The following TCF12 variants were observed in gnomAD, a reference collection of about 807,000 sequenced individuals.
TCF12 encodes transcription factor 12, also known as DNA-binding protein HTF4.
TCF12 carries 45 observed loss-of-function variants against 86.0 expected under a neutral mutation model. The observed-to-expected ratio is 0.52, with a 90% CI of 0.41 to 0.67. TCF12 has a LOEUF of 0.67. TCF12 is among the 30% of genes least tolerant of loss of function. The pLI, the probability that TCF12 is intolerant of heterozygous loss-of-function variation, is 0.00. For synonymous variants in TCF12, 330 were observed against 299.6 expected (o/e 1.10, Z -1.05); for missense variants, 881 against 859.9 (o/e 1.02, Z -0.31).
chr15:57,001,428 A>G lies in TCF12; in HGVS notation c.149-62322A>G, dbSNP rs538718000. On this transcript the variant is annotated intron_variant, in intron 3 of 20. Coordinates refer to ENST00000333725, the MANE Select transcript of TCF12 (RefSeq NM_207037.2). ...AAGGACGTTCTTCTACTTACACCAC[A>G]TTATTTTAACAAAGAAAATTAACAG... The G allele has an allele frequency of 2.3e-3, 404 of 178,336 alleles. 1 individual carries two copies. Among genetic ancestry groups the G allele is most frequent in the African/African-American group, 9.1e-3 (386 of 42,448 alleles). The allele number at this position is 178,336 out of a possible 1,614,324, so 11.0% of individuals were successfully genotyped here. A position where few individuals can be genotyped will look rare whatever the true frequency, so the allele number is the denominator to read the frequency against.
At chr15:57,194,857 A>G (rs2057170747) in intron 7 of TCF12, among the ~76,000 whole-genome samples, 1 of 152,198 alleles carries the variant, frequency 6.6e-6, no homozygotes, top group African/African-American at 2.4e-5. Context: ...AGCTGGAATT[A>G]GAATCCAGCC....
intron 13 of TCF12, among the ~76,000 whole-genome samples, chr15:57,250,889 ATC>A (rs2060082131): frequency 6.6e-6 from 1 of 151,230 alleles, no homozygotes; most frequent in Non-Finnish European, 1.5e-5. Flanking sequence ...GTGAGACTCC[ATC>A]TCAAAAAAAA....
chr15:57,048,921 A>T (rs2951907), intron 3 of TCF12, among the ~76,000 whole-genome samples: 137,800 of 152,230 alleles, frequency 0.91, 62,564 homozygotes, highest in African/African-American at 0.98. Flanking sequence ...TAACATGTAG[A>T]AGATACAATG....
At chr15:57,134,596 G>C (rs574951981) in intron 5 of TCF12, 2 of 152,000 alleles carry the variant, frequency 1.3e-5, no homozygotes, top group Non-Finnish European at 1.5e-5. Flanking sequence ...TTTTAATGAA[G>C]CACCATTAGA....
At chr15:57,184,015 T>C (rs2593240) in intron 6 of TCF12, among the ~76,000 whole-genome samples, 4 of 152,188 alleles carry the variant, frequency 2.6e-5, no homozygotes, top group African/African-American at 4.8e-5. Flanking sequence ...TTGATTTCTT[T>C]GAAGAAATAA....
intron 3 of TCF12, among the ~76,000 whole-genome samples, chr15:57,046,675 C>T (rs1041419649): frequency 2.0e-5 from 3 of 152,130 alleles, no homozygotes; most frequent in Non-Finnish European, 4.4e-5. Flanking sequence ...AGGCTGTTCT[C>T]GAACTCCTGA....
intron 3 of TCF12, among the ~76,000 whole-genome samples, chr15:57,035,950 C>T (rs545343638): frequency 2.1e-4 from 32 of 152,338 alleles, no homozygotes; most frequent in Middle Eastern, 3.4e-3. Context: ...CTATTGTGAA[C>T]TGTACGTGTG....
chr15:57,165,422 T>C (rs2151536555), intron 5 of TCF12, among the ~76,000 whole-genome samples: 1 of 152,318 alleles, frequency 6.6e-6, no homozygotes, highest in African/African-American at 2.4e-5. Flanking sequence ...TAATGTATAT[T>C]GTTCGAGAAC....
intron 5 of TCF12, among the ~76,000 whole-genome samples, chr15:57,160,051 C>A (rs1263662498): frequency 1.3e-5 from 2 of 152,206 alleles, no homozygotes; most frequent in African/African-American, 4.8e-5. Flanking sequence ...AGAGCACACA[C>A]CATGAGAGTA....
In TCF12 at chr15:57,105,495, A is replaced by G. The variant is rs140595445; in HGVS notation, c.325+13604A>G. 1.3e-4 allele frequency among the ~76,000 whole-genome samples: 20 copies of G among 151,812 alleles called. No homozygotes were observed. In the East Asian group the frequency reaches 2.7e-3, roughly 21 times the overall value. ...GTGTGCATGATTTTTGCTCACTGCA[A>G]TCTCACTCCCAGGTTCAAGCGATTC... On this transcript the variant is annotated intron_variant, in intron 5 of 20. Transcript: ENST00000333725.
intron 13 of TCF12, chr15:57,248,137 C>G: frequency 2.8e-6 from 2 of 701,768 alleles, no homozygotes; most frequent in Non-Finnish European, 5.2e-6. Flanking sequence ...TTTAAGGATC[C>G]TTTTCCAGAA....
chr15:57,120,265 A>G (rs910624143), intron 5 of TCF12, among the ~76,000 whole-genome samples: 3 of 152,146 alleles, frequency 2.0e-5, no homozygotes, highest in African/African-American at 7.2e-5. Context: ...CCCAACTTGG[A>G]TTCAGTGCTC....
intron 19 of TCF12, 39 bp downstream of exon 19, chr15:57,273,301 C>A: frequency 6.3e-7 from 1 of 1,580,560 alleles, no homozygotes; most frequent in African/African-American, 1.3e-5. Flanking sequence ...TGTTCTGCTT[C>A]AGATGGGCAG....
intron 4 of TCF12, among the ~76,000 whole-genome samples, chr15:57,073,108 G>T (rs1190803995): frequency 6.6e-6 from 1 of 152,028 alleles, no homozygotes; most frequent in Non-Finnish European, 1.5e-5. Flanking sequence ...TTACTGAGAG[G>T]CTTTGCTGTG....
chr15:56,977,062 G>A (rs957375363), intron 3 of TCF12, among the ~76,000 whole-genome samples: 5 of 152,080 alleles, frequency 3.3e-5, no homozygotes, highest in South Asian at 4.1e-4. Flanking sequence ...CTTTGCAGAA[G>A]GTTATATTGA....
At chr15:57,170,686 T>TAC (rs2055316126) in intron 6 of TCF12, among the ~76,000 whole-genome samples, 1 of 10,208 alleles carries the variant, frequency 9.8e-5, no homozygotes, top group African/African-American at 5.5e-4. Flanking sequence ...ATATATTATA[T>TAC]ATAATATATA....
At chr15:57,128,670 T>A (rs1451706130) in intron 5 of TCF12, among the ~76,000 whole-genome samples, 2 of 152,238 alleles carry the variant, frequency 1.3e-5, no homozygotes, top group African/African-American at 4.8e-5. Context: ...GGAAACCCCG[T>A]ACCTATTAGA....
intron 5 of TCF12, among the ~76,000 whole-genome samples, chr15:57,130,397 T>C (rs188021702): frequency 2.0e-5 from 3 of 152,216 alleles, no homozygotes; most frequent in African/African-American, 7.2e-5. Context: ...ACGTGCATAC[T>C]GACTTTTGTT....
At chr15:57,064,050 C>A (rs950890356) in intron 4 of TCF12, among the ~76,000 whole-genome samples, 1 of 152,192 alleles carries the variant, frequency 6.6e-6, no homozygotes, top group African/African-American at 2.4e-5. Flanking sequence ...TACACATGAA[C>A]TGCCTACAGT....
Sources: allele counts gnomAD v4.1 joint callset (sites outside exome capture counted in the v4.1 genomes callset), GRCh38; gene constraint gnomAD v4.1.1; transcripts MANE v1.5; gene names NCBI Gene and HGNC (gene_info 2026-07-23, HGNC 2026-07-21).